JMJD1C: variants seen among roughly 807,000 people sequenced by gnomAD.
The protein encoded by JMJD1C is jumonji domain-containing protein 1C.
JMJD1C carries 31 observed loss-of-function variants against 245.3 expected under a neutral mutation model. The observed-to-expected ratio is 0.13, with a 90% CI of 0.09 to 0.17. The LOEUF (loss-of-function observed/expected upper bound fraction) is 0.17, where lower values mean the gene tolerates loss of function less well. JMJD1C is among the 10% of genes least tolerant of loss of function. The pLI is 1.00. For synonymous variants in JMJD1C, 1,057 were observed against 1,017.4 expected (o/e 1.04, Z -0.74); for missense variants, 2,691 against 3,000.2 (o/e 0.90, Z 2.41).
intron 10 of JMJD1C, 30 bp from the exon 11 acceptor site, chr10:63,200,707 G>T (rs952577362): frequency 2.5e-6 from 4 of 1,588,106 alleles, no homozygotes; most frequent in Non-Finnish European, 3.5e-6. Context: ...GTTTTAGCAA[G>T]ATTATGCTTT....
rs76804579 is a variant in JMJD1C at position 63,328,823 on chromosome 10, T to C, written c.333+51495A>G. ...AACTTTGCTAAAAAGAGGGCTGTTTTAATTTATTTGGGACATTTATTCTAG... is the reference window on the plus strand; with the variant it reads ...AACTTTGCTAAAAAGAGGGCTGTTTCAATTTATTTGGGACATTTATTCTAG... On this transcript the variant is annotated intron_variant, in intron 2 of 25. Coordinates refer to ENST00000399262, the MANE Select transcript of JMJD1C (RefSeq NM_032776.3). 2.2e-4 allele frequency among the ~76,000 whole-genome samples: 33 copies of C among 152,358 alleles called. No individual in the cohort carries two copies. The East Asian group carries it at 6.4e-3, about 29-fold the overall frequency.
intron 1 of JMJD1C, among the ~76,000 whole-genome samples, chr10:63,385,416 CTTTTTTTTTTTTT>C (rs35450282): frequency 1.9e-5 from 1 of 53,760 alleles, no homozygotes; most frequent in Non-Finnish European, 3.1e-5. Flanking sequence ...CTGCCCCCGC[CTTTTTTTTTTTTT>C]TTTTTTTTTT....
chr10:63,196,548 T>G (rs1389804872), intron 13 of JMJD1C, among the ~76,000 whole-genome samples: 1 of 152,168 alleles, frequency 6.6e-6, no homozygotes, highest in Non-Finnish European at 1.5e-5. Flanking sequence ...ATCCTATCAG[T>G]AGAAGATACT....
intron 2 of JMJD1C, among the ~76,000 whole-genome samples, chr10:63,374,604 A>T (rs1033306871): frequency 1.3e-5 from 2 of 152,176 alleles, no homozygotes; most frequent in African/African-American, 4.8e-5. Context: ...ATGAATATAC[A>T]TTTTAAAAAA....
chr10:63,426,921 C>T (rs559290312), intron 1 of JMJD1C, among the ~76,000 whole-genome samples: 1 of 152,306 alleles, frequency 6.6e-6, no homozygotes, highest in Non-Finnish European at 1.5e-5. Context: ...TACACTTTAT[C>T]ATCAAGTATA....
Position 63,177,330 on chromosome 10 carries a change from A to G in JMJD1C, c.7224+387T>C. On this transcript the variant is annotated intron_variant, in intron 23 of 25. Coordinates refer to ENST00000399262, the MANE Select transcript of JMJD1C (RefSeq NM_032776.3). ...TCATTCCCTAGGTCAGCAGCCAAAA[A>G]TATCTATCAGATTCAAAGAAAATAA... The G allele has an allele frequency of 1.3e-5, 3 of 232,700 alleles. No individual in the cohort carries two copies. The South Asian group carries it at 1.7e-4, about 13-fold the overall frequency. The allele number at this position is 232,700 out of a possible 1,614,324, so 14.4% of individuals were successfully genotyped here.
At chr10:63,287,359 G>A (rs118009665) in intron 2 of JMJD1C, among the ~76,000 whole-genome samples, 2,040 of 152,298 alleles carry the variant, frequency 0.013, 34 homozygotes, top group African/African-American at 0.034. Context: ...TAAAGCTGTC[G>A]TTCCACGTAT....
At chr10:63,247,102 C>CAAAAAAAAAAAAAAAAAAAA (rs200646094) in intron 3 of JMJD1C, among the ~76,000 whole-genome samples, 1 of 60,844 alleles carries the variant, frequency 1.6e-5, no homozygotes, top group Non-Finnish European at 4.8e-5. Context: ...TAAACTGAGA[C>CAAAAAAAAAAAAAAAAAAAA]AAAAAAAACA....
At chr10:63,349,730 T>A (rs775765012) in intron 2 of JMJD1C, among the ~76,000 whole-genome samples, 1 of 152,092 alleles carries the variant, frequency 6.6e-6, no homozygotes, top group Admixed American at 6.6e-5. Flanking sequence ...GGGAAAAGTA[T>A]GAATAAAAGA....
chr10:63,451,479 A>G (rs1370698080), intron 1 of JMJD1C, among the ~76,000 whole-genome samples: 1 of 152,228 alleles, frequency 6.6e-6, no homozygotes, highest in Non-Finnish European at 1.5e-5. Context: ...TGATAGATCA[A>G]AAATATTCAG....
At chr10:63,280,373 C>T (rs1253957767) in intron 2 of JMJD1C, among the ~76,000 whole-genome samples, 1 of 151,888 alleles carries the variant, frequency 6.6e-6, no homozygotes, top group Non-Finnish European at 1.5e-5. Context: ...CATGGTGAAA[C>T]CCGGTCTCTA....
At chr10:63,431,383 G>A (rs1950736705) in intron 1 of JMJD1C, among the ~76,000 whole-genome samples, 1 of 152,114 alleles carries the variant, frequency 6.6e-6, no homozygotes, top group African/African-American at 2.4e-5. Context: ...TTCAGAAGAG[G>A]CACAGTTATG....
chr10:63,309,961 A>G (rs556102913), intron 2 of JMJD1C, among the ~76,000 whole-genome samples: 16 of 152,310 alleles, frequency 1.1e-4, no homozygotes, highest in Admixed American at 9.2e-4. Flanking sequence ...AACATTTAAA[A>G]GAGTTCAGCA....
chr10:63,287,338 G>A (rs954156179), intron 2 of JMJD1C, among the ~76,000 whole-genome samples: 2 of 152,208 alleles, frequency 1.3e-5, no homozygotes, highest in African/African-American at 2.4e-5. Context: ...ACTGTTCTGT[G>A]GTATGAAGGT....
At chr10:63,495,725 T>C (rs1589828451) in intron 1 of JMJD1C, among the ~76,000 whole-genome samples, 1 of 140,122 alleles carries the variant, frequency 7.1e-6, no homozygotes, top group African/African-American at 2.7e-5. Context: ...ACCATTGCAC[T>C]CCAGCCTCAA....
intron 3 of JMJD1C, among the ~76,000 whole-genome samples, chr10:63,239,367 G>A (rs1851195978): frequency 6.6e-6 from 1 of 152,144 alleles, no homozygotes; most frequent in Non-Finnish European, 1.5e-5. Flanking sequence ...GACAGATTAA[G>A]CAAAGTTAAA....
At chr10:63,374,027 C>T (rs1488309124) in intron 2 of JMJD1C, among the ~76,000 whole-genome samples, 1 of 152,274 alleles carries the variant, frequency 6.6e-6, no homozygotes, top group East Asian at 1.9e-4. Context: ...GGCAAGCACA[C>T]ATAACCTGAC....
intron 3 of JMJD1C, among the ~76,000 whole-genome samples, chr10:63,253,238 A>G (rs1040117814): frequency 1.3e-5 from 2 of 152,200 alleles, no homozygotes; most frequent in African/African-American, 2.4e-5. Context: ...CAGAATAGAG[A>G]GCACAGAAAT....
chr10:63,397,938 T>G (rs1027835206), intron 1 of JMJD1C, among the ~76,000 whole-genome samples: 1 of 152,234 alleles, frequency 6.6e-6, no homozygotes, highest in South Asian at 2.1e-4. Flanking sequence ...ATGTGTAACT[T>G]TGGAATATCA....
Sources: gnomAD v4.1 joint callset for allele counts (sites outside exome capture counted in the v4.1 genomes callset) on GRCh38, gnomAD v4.1.1 for gene constraint, MANE v1.5 for transcripts, NCBI Gene and HGNC (gene_info 2026-07-23, HGNC 2026-07-21) for gene names.